Variants in MAP2K6 observed in about 807,000 individuals in gnomAD.
The protein encoded by MAP2K6 is mitogen-activated protein kinase kinase 6.
Under a neutral mutation model 53.7 loss-of-function variants are expected in MAP2K6, and 16 were observed. That is an observed-to-expected ratio of 0.30 (90% confidence interval 0.20 to 0.45). The LOEUF (loss-of-function observed/expected upper bound fraction) is 0.45, where lower values mean the gene tolerates loss of function less well. Among genes scored for constraint, MAP2K6 ranks in the 20% least tolerant of loss-of-function variants. The pLI, the probability that MAP2K6 is intolerant of heterozygous loss-of-function variation, is 1.00. For missense variants in MAP2K6, 204 were observed against 411.9 expected (o/e 0.50, Z 4.37); for synonymous variants, 132 against 143.1 (o/e 0.92, Z 0.55).
intron 1 of MAP2K6, among the ~76,000 whole-genome samples, chr17:69,480,818 A>G (rs7224115): frequency 0.012 from 1,771 of 152,312 alleles, 34 homozygotes; most frequent in African/African-American, 0.041. Flanking sequence ...GAAAAATTTA[A>G]TGGTAGGATG....
At chr17:69,495,265 T>C (rs932359566) in intron 1 of MAP2K6, among the ~76,000 whole-genome samples, 4 of 151,626 alleles carry the variant, frequency 2.6e-5, no homozygotes, top group Non-Finnish European at 2.9e-5. Context: ...TGAGCTGGAG[T>C]CTCGCTCTTG....
At chr17:69,540,036 C>A (rs1484885369) in intron 11 of MAP2K6, among the ~76,000 whole-genome samples, 1 of 152,184 alleles carries the variant, frequency 6.6e-6, no homozygotes, top group Non-Finnish European at 1.5e-5. Flanking sequence ...AATCTCTTTT[C>A]CATTTTCTGA....
intron 1 of MAP2K6, among the ~76,000 whole-genome samples, chr17:69,464,641 C>T (rs556800762): frequency 7.9e-5 from 12 of 152,234 alleles, no homozygotes; most frequent in South Asian, 4.1e-4. Flanking sequence ...CTCAGTCCCC[C>T]GAAGTGCTGG....
chr17:69,525,066 T>A, intron 9 of MAP2K6, 88 bp downstream of exon 9: 1 of 1,129,588 alleles, frequency 8.9e-7, no homozygotes, highest in Non-Finnish European at 1.3e-6. Context: ...ACAAATGCCC[T>A]AAATGCTGGT....
chr17:69,515,446 C>T (rs981958843), intron 2 of MAP2K6, among the ~76,000 whole-genome samples: 7 of 152,178 alleles, frequency 4.6e-5, no homozygotes, highest in Admixed American at 1.3e-4. Flanking sequence ...TGTGAGCCAC[C>T]GTGCCCGGCC....
chr17:69,449,673 C>T (rs1310141132), intron 1 of MAP2K6, among the ~76,000 whole-genome samples: 8 of 128,658 alleles, frequency 6.2e-5, no homozygotes, highest in African/African-American at 6.1e-5. Flanking sequence ...AGTGCAGTGG[C>T]GCGATCTCGG....
chr17:69,513,095 G>C (rs1297115290), intron 2 of MAP2K6, among the ~76,000 whole-genome samples: 1 of 152,090 alleles, frequency 6.6e-6, no homozygotes, highest in Admixed American at 6.6e-5. Flanking sequence ...CTGCAGAATC[G>C]CAATGCCCCT....
chr17:69,489,430 A>G (rs1414748830), intron 1 of MAP2K6, among the ~76,000 whole-genome samples: 1 of 152,224 alleles, frequency 6.6e-6, no homozygotes, highest in African/African-American at 2.4e-5. Context: ...TAACTGATTT[A>G]GATATTTCAA....
intron 1 of MAP2K6, among the ~76,000 whole-genome samples, chr17:69,503,576 C>T (rs2521348): frequency 0.39 from 59,258 of 151,902 alleles, 11,947 homozygotes; most frequent in East Asian, 0.53. Context: ...CTGATTACTG[C>T]GAAGCATATT....
At chr17:69,432,816 A>G (rs1469858461) in intron 1 of MAP2K6, among the ~76,000 whole-genome samples, 1 of 152,142 alleles carries the variant, frequency 6.6e-6, no homozygotes, top group Admixed American at 6.5e-5. Context: ...AAATTAAAAA[A>G]AAAAAAAAAA....
rs1231779734 is a variant in MAP2K6 at position 69,532,017 on chromosome 17, T to C, written c.882-4098T>C. The stretch of plus-strand genomic sequence containing the variant: ...AAGTCACTGGAAGTCAACTGCCGAG[T>C]GCCAGATCAGCTGGACTTCCCTTTG... On this transcript the variant is annotated intron_variant, in intron 10 of 11. Coordinates refer to ENST00000590474, the MANE Select transcript of MAP2K6 (RefSeq NM_002758.4). Among the ~76,000 whole-genome samples, 7 of 152,220 alleles carry C rather than the reference T, an allele frequency of 4.6e-5. No homozygotes were observed. In the East Asian group the frequency reaches 1.3e-3, roughly 29 times the overall value.
At chr17:69,535,878 G>GTA (rs969465516) in intron 10 of MAP2K6, among the ~76,000 whole-genome samples, 2 of 107,676 alleles carry the variant, frequency 1.9e-5, no homozygotes, top group African/African-American at 3.5e-5. Flanking sequence ...CAAAAGGAAA[G>GTA]TACACACACA....
At chr17:69,442,855 A>G (rs1390001558) in intron 1 of MAP2K6, among the ~76,000 whole-genome samples, 1 of 152,228 alleles carries the variant, frequency 6.6e-6, no homozygotes, top group Non-Finnish European at 1.5e-5. Flanking sequence ...TAGCAACTGC[A>G]GAGGTTTGAT....
intron 10 of MAP2K6, among the ~76,000 whole-genome samples, chr17:69,531,261 A>G (rs1212108295): frequency 1.3e-5 from 2 of 152,110 alleles, no homozygotes; most frequent in Non-Finnish European, 2.9e-5. Flanking sequence ...CAGAAAAAGA[A>G]CCCATTATAC....
intron 1 of MAP2K6, among the ~76,000 whole-genome samples, chr17:69,418,528 A>T (rs1905974980): frequency 9.6e-6 from 1 of 103,850 alleles, no homozygotes; most frequent in Admixed American, 9.0e-5. Context: ...ATTCTCTTGG[A>T]CTTTTTTTTT....
chr17:69,539,489 A>C (rs1911510323), intron 11 of MAP2K6, among the ~76,000 whole-genome samples: 1 of 152,148 alleles, frequency 6.6e-6, no homozygotes, highest in Admixed American at 6.6e-5. Context: ...CAAAACCCAC[A>C]CAAGAAGGCA....
At chr17:69,424,661 C>T (rs1169280327) in intron 1 of MAP2K6, among the ~76,000 whole-genome samples, 7 of 152,102 alleles carry the variant, frequency 4.6e-5, no homozygotes, top group East Asian at 1.9e-4. Context: ...AAGACATGGT[C>T]GAAGAATGAA....
chr17:69,513,755 G>A (rs568259469), intron 2 of MAP2K6, among the ~76,000 whole-genome samples: 11 of 152,064 alleles, frequency 7.2e-5, no homozygotes, highest in East Asian at 1.9e-4. Context: ...CTCATTTTTC[G>A]ATAACCTCAT....
Position 69,439,144 on chromosome 17 carries a change from G to T in MAP2K6, c.16+24144G>T, listed in dbSNP as rs569780797. Among the ~76,000 whole-genome samples, 4 of 152,324 alleles carry T rather than the reference G, an allele frequency of 2.6e-5. No homozygotes were observed. In the South Asian group the frequency reaches 8.3e-4, roughly 32 times the overall value. Reference sequence around the variant, plus strand: ...CATTCATAAAATGGAGGCAGAGAAAGAATTAAGTCATTCCTCAGGTCCCTT... The same window carrying T: ...CATTCATAAAATGGAGGCAGAGAAATAATTAAGTCATTCCTCAGGTCCCTT... On this transcript the variant is annotated intron_variant, in intron 1 of 11. Coordinates refer to ENST00000590474, the MANE Select transcript of MAP2K6 (RefSeq NM_002758.4).
Sources: gnomAD v4.1 joint callset for allele counts (sites outside exome capture counted in the v4.1 genomes callset) on GRCh38, gnomAD v4.1.1 for gene constraint, MANE v1.5 for transcripts, NCBI Gene and HGNC (gene_info 2026-07-23, HGNC 2026-07-21) for gene names.